Variants in NSG2 observed in about 807,000 individuals in gnomAD.
NSG2 encodes the protein neuronal vesicle trafficking associated 2.
NSG2 carries 4 observed loss-of-function variants against 16.9 expected under a neutral mutation model. The ratio of observed to expected loss-of-function variants is 0.24; its 90% CI spans 0.12 to 0.54. NSG2 has a LOEUF of 0.54. Among genes scored for constraint, NSG2 ranks in the 20% least tolerant of loss-of-function variants. NSG2 has a pLI of 0.95. For missense variants in NSG2, 179 were observed against 221.1 expected, an observed-to-expected ratio of 0.81 and a Z score of 1.21; for synonymous variants, 98 against 88.7, an observed-to-expected ratio of 1.11 and a Z score of -0.59.
intron 3 of NSG2, among the ~76,000 whole-genome samples, chr5:174,075,915 G>A (rs549730769): frequency 1.4e-4 from 21 of 152,350 alleles, no homozygotes; most frequent in South Asian, 4.1e-4. Flanking sequence ...GATGCTGAGC[G>A]CTCAGCTCTG....
At chr5:174,061,801 C>T (rs1176100871) in intron 2 of NSG2, among the ~76,000 whole-genome samples, 1 of 151,850 alleles carries the variant, frequency 6.6e-6, no homozygotes, top group African/African-American at 2.4e-5. Flanking sequence ...TATGGGGTTT[C>T]ACCATGTTGG....
At chr5:174,049,489 C>G (rs1331438170) in intron 2 of NSG2, among the ~76,000 whole-genome samples, 1 of 152,200 alleles carries the variant, frequency 6.6e-6, no homozygotes, top group Non-Finnish European at 1.5e-5. Flanking sequence ...GTGCAATTTT[C>G]TTTCTTCTTC....
rs989274842 is a variant in NSG2 at position 174,086,973 on chromosome 5, A to C, written c.214-17255A>C. On this transcript the variant is annotated intron_variant, in intron 3 of 4. Coordinates refer to ENST00000303177, the MANE Select transcript of NSG2 (RefSeq NM_015980.5). The stretch of plus-strand genomic sequence containing the variant: ...TTCAAGGATTCCACAAATATTAATG[A>C]GTTTCTGGCTCTACACCCAGGAATC... Among the ~76,000 whole-genome samples, 3 of 152,316 alleles carry C rather than the reference A, an allele frequency of 2.0e-5. No homozygotes were observed. In the South Asian group the frequency reaches 6.2e-4, roughly 32 times the overall value.
chr5:174,100,773 G>A (rs778952216), intron 3 of NSG2, among the ~76,000 whole-genome samples: 3 of 152,238 alleles, frequency 2.0e-5, no homozygotes, highest in African/African-American at 7.2e-5. Flanking sequence ...ACCCTGTAAA[G>A]GGAACCTGTC....
intron 3 of NSG2, among the ~76,000 whole-genome samples, chr5:174,083,422 C>T (rs1198019734): frequency 6.6e-6 from 1 of 152,202 alleles, no homozygotes; most frequent in Non-Finnish European, 1.5e-5. Context: ...TGTTTCTCGG[C>T]TGCAGGAGAT....
intron 3 of NSG2, among the ~76,000 whole-genome samples, chr5:174,091,615 A>G (rs146752086): frequency 0.011 from 1,695 of 151,582 alleles, 19 homozygotes; most frequent in Middle Eastern, 0.037. Flanking sequence ...CCAGTAGCAG[A>G]CAGCCTAGAA....
chr5:174,049,279 G>T (rs189273124), intron 2 of NSG2, among the ~76,000 whole-genome samples: 2 of 152,354 alleles, frequency 1.3e-5, no homozygotes, highest in African/African-American at 4.8e-5. Context: ...GGCAGAGCTT[G>T]CAGTGAGCTG....
intron 3 of NSG2, among the ~76,000 whole-genome samples, chr5:174,071,926 T>G (rs1760249549): frequency 6.6e-6 from 1 of 152,130 alleles, no homozygotes; most frequent in East Asian, 1.9e-4. Flanking sequence ...CTCCTTCTCC[T>G]TTCCTTTTAT....
intron 3 of NSG2, chr5:174,081,564 TGA>T (rs774876302): frequency 6.6e-6 from 1 of 152,102 alleles, no homozygotes; most frequent in Non-Finnish European, 1.5e-5. Context: ...GAGGTTGTGT[TGA>T]GATTTACTTT....
intron 3 of NSG2, among the ~76,000 whole-genome samples, chr5:174,102,651 A>AT (rs953806646): frequency 1.3e-5 from 2 of 151,730 alleles, no homozygotes; most frequent in Non-Finnish European, 2.9e-5. Flanking sequence ...GTGTTGTATT[A>AT]TTTTTTTTAA....
chr5:174,076,433 A>C (rs1200169792), intron 3 of NSG2, among the ~76,000 whole-genome samples: 1 of 152,132 alleles, frequency 6.6e-6, no homozygotes, highest in Admixed American at 6.5e-5. Flanking sequence ...TGAGACAGGG[A>C]AAAAAAGAGA....
At chr5:174,079,260 TC>T (rs199528067) in intron 3 of NSG2, among the ~76,000 whole-genome samples, 3 of 147,670 alleles carry the variant, frequency 2.0e-5, no homozygotes, top group African/African-American at 7.6e-5. Flanking sequence ...TCTCTCTCTC[TC>T]TCTTTTTTTT....
At chr5:174,064,342 A>G (rs1554100713) in intron 3 of NSG2, 27 bp downstream of exon 3, 1 of 1,543,744 alleles carries the variant, frequency 6.5e-7, no homozygotes, top group South Asian at 1.1e-5. Flanking sequence ...TGTAATAGAA[A>G]GAGTAAAGGA....
At chr5:174,074,848 C>T (rs1192369290) in intron 3 of NSG2, among the ~76,000 whole-genome samples, 1 of 151,978 alleles carries the variant, frequency 6.6e-6, no homozygotes. Flanking sequence ...CTCATCTCCC[C>T]TGGAACTGGT....
At chr5:174,057,218 A>G (rs1249801629) in intron 2 of NSG2, among the ~76,000 whole-genome samples, 1 of 152,190 alleles carries the variant, frequency 6.6e-6, no homozygotes, top group Non-Finnish European at 1.5e-5. Context: ...ATTTCTGCTG[A>G]TAGACAAGGC....
At chr5:174,089,060 A>G (rs1006542478) in intron 3 of NSG2, among the ~76,000 whole-genome samples, 2 of 152,190 alleles carry the variant, frequency 1.3e-5, no homozygotes, top group Non-Finnish European at 2.9e-5. Context: ...CATGACCCCC[A>G]TCTGCATACC....
At chr5:174,049,326 C>T (rs1225154551) in intron 2 of NSG2, among the ~76,000 whole-genome samples, 2 of 152,006 alleles carry the variant, frequency 1.3e-5, no homozygotes, top group South Asian at 2.1e-4. Flanking sequence ...GGCGACAGAG[C>T]GAGACACTGT....
chr5:174,051,660 T>G (rs1239804212), intron 2 of NSG2, among the ~76,000 whole-genome samples: 1 of 152,252 alleles, frequency 6.6e-6, no homozygotes, highest in South Asian at 2.1e-4. Flanking sequence ...TACACAGCAA[T>G]GAAAAGACAG....
At chr5:174,086,856 G>A (rs773471113) in intron 3 of NSG2, among the ~76,000 whole-genome samples, 3 of 152,142 alleles carry the variant, frequency 2.0e-5, no homozygotes, top group Non-Finnish European at 4.4e-5. Flanking sequence ...TCGGACCCTC[G>A]CTCTTCTTCC....
Sources: allele counts gnomAD v4.1 joint callset (sites outside exome capture counted in the v4.1 genomes callset), GRCh38; gene constraint gnomAD v4.1.1; transcripts MANE v1.5; gene names NCBI Gene and HGNC (gene_info 2026-07-23, HGNC 2026-07-21).